Variants in LY9 observed in about 807,000 individuals in gnomAD.
LY9 encodes the protein lymphocyte antigen 9.
A neutral mutation model predicts 64.6 loss-of-function variants in LY9; 59 were observed. The ratio of observed to expected loss-of-function variants is 0.91; its 90% CI spans 0.74 to 1.13. LY9 has a LOEUF of 1.13. LY9 is among the 50% of genes most tolerant of loss of function. The pLI is 0.00. For synonymous variants in LY9, 281 were observed against 308.5 expected (o/e 0.91, Z 0.93); for missense variants, 789 against 797.2 (o/e 0.99, Z 0.12).
At position 160,813,836 on chromosome 1, in the gene LY9, C is replaced by T. The variant is rs960609454; in HGVS notation, c.655C>T (p.Pro219Ser). 1.9e-6 allele frequency: 3 copies of T among 1,614,094 alleles called. No homozygotes were observed. Among genetic ancestry groups the T allele is most frequent in the Non-Finnish European group, 1.7e-6 (2 of 1,180,030 alleles). ...VSRTPCDPDL[P>S]YICTAQNPVS... ...CCGAACACCATGTGACCCAGACCTGCCATACATCTGCACAGCCCAGAACCC... is the reference window on the plus strand; with the variant it reads ...CCGAACACCATGTGACCCAGACCTGTCATACATCTGCACAGCCCAGAACCC... The change falls in exon 3 of 10, where the codon CCA becomes TCA. Residue 219 changes from proline to serine, a missense_variant. By Grantham distance (74) the Pro-to-Ser change is moderately conservative. Coordinates refer to ENST00000263285, the MANE Select transcript of LY9 (RefSeq NM_002348.4).
chr1:160,817,994 G>A (rs1013365755), intron 5 of LY9, among the ~76,000 whole-genome samples: 1 of 152,174 alleles, frequency 6.6e-6, no homozygotes, highest in Non-Finnish European at 1.5e-5. Flanking sequence ...TGGGCAAGCC[G>A]TAAACCTCTC....
Position 160,813,806 on chromosome 1 carries a change from G to T in LY9, c.625G>T (p.Val209Phe). 1 of 1,614,100 alleles carries T rather than the reference G, an allele frequency of 6.2e-7. No homozygotes were observed. ...SESNGGSILT[V>F]SRTPCDPDLP... is the part of the protein sequence containing the mutation. ...GTCCAATGGAGGCTCCATTCTTACC[G>T]TCTCCCGAACACCATGTGACCCAGA... Residue 209 changes from valine to phenylalanine, a missense_variant, in exon 3 of 10, where the codon GTC (valine) becomes TTC (phenylalanine). Val to Phe is a conservative substitution (Grantham distance 50). Coordinates refer to ENST00000263285, the MANE Select transcript of LY9 (RefSeq NM_002348.4).
chr1:160,801,741 A>G (rs1462926356), intron 2 of LY9: 3 of 1,412,320 alleles, frequency 2.1e-6, no homozygotes, highest in Non-Finnish European at 1.0e-6. Flanking sequence ...ATGATGAGAA[A>G]TAGGGGTTCA....
intron 2 of LY9, among the ~76,000 whole-genome samples, chr1:160,806,298 A>G (rs1470707187): frequency 6.6e-6 from 1 of 152,182 alleles, no homozygotes; most frequent in East Asian, 1.9e-4. Flanking sequence ...CTGTAGTGAC[A>G]TCATTCAAGT....
intron 1 of LY9, chr1:160,797,384 A>ACT: frequency 1.7e-6 from 1 of 599,236 alleles, no homozygotes; most frequent in Non-Finnish European, 2.1e-6. Flanking sequence ...TAGACCTCAG[A>ACT]GCTGAGGTCC....
At position 160,827,247 on chromosome 1, in the gene LY9, C is replaced by T. The variant is rs370605909; in HGVS notation, c.1900-501C>T. ...AAGCTGTTGCTGGTACCCAACCTCC[C>T]GCTCCTCTGGGTCAGCACAGAGCTT... On this transcript the variant is annotated intron_variant, in intron 9 of 9. Transcript: ENST00000263285. Among the ~76,000 whole-genome samples the T allele has an allele frequency of 2.6e-5, 4 of 152,326 alleles. No homozygotes were observed. The South Asian group carries it at 6.2e-4, about 24-fold the overall frequency.
At chr1:160,825,189 C>A (rs1262960100) in intron 9 of LY9, among the ~76,000 whole-genome samples, 1 of 147,684 alleles carries the variant, frequency 6.8e-6, no homozygotes, top group Non-Finnish European at 1.5e-5. Context: ...GCCTGGGTGA[C>A]AGAGTGAGAC....
intron 2 of LY9, chr1:160,810,585 G>C (rs890457229): frequency 1.3e-5 from 2 of 152,158 alleles, no homozygotes; most frequent in Admixed American, 1.3e-4. Flanking sequence ...AGGTACTCGG[G>C]ATTAGAACTT....
At chr1:160,813,991 G>A in intron 3 of LY9, 80 bp downstream of exon 3, 2 of 1,448,258 alleles carry the variant, frequency 1.4e-6, no homozygotes, top group Non-Finnish European at 9.4e-7. Flanking sequence ...TAGGATCCTG[G>A]TCAGACACAC....
rs1283632312 is a variant in LY9 at position 160,814,416 on chromosome 1, C to A, written c.731-4C>A. ...AAGCTGCAATGTCTCATCTGTGACC[C>A]CAGATCCAGGAGCCTCCAGAGGAGG... is the stretch of plus-strand genomic sequence containing the variant. On this transcript the variant is annotated splice_region_variant and splice_polypyrimidine_tract_variant and intron_variant, in intron 3 of 9. Coordinates refer to ENST00000263285, the MANE Select transcript of LY9 (RefSeq NM_002348.4). 1 of 1,599,052 alleles carries A rather than the reference C, an allele frequency of 6.3e-7. No homozygotes were observed. The highest frequency in any genetic ancestry group is 8.5e-7 in the Non-Finnish European group (1 of 1,171,346).
At chr1:160,809,337 T>TTAG (rs1329910078) in intron 2 of LY9, among the ~76,000 whole-genome samples, 1 of 71,744 alleles carries the variant, frequency 1.4e-5, no homozygotes, top group African/African-American at 3.3e-5. Flanking sequence ...CCTGAATTTA[T>TTAG]TATTATTATT....
intron 1 of LY9, chr1:160,799,152 T>C (rs1666194961): frequency 6.5e-6 from 1 of 152,836 alleles, no homozygotes; most frequent in Non-Finnish European, 1.5e-5. Flanking sequence ...GAGGTAGAGG[T>C]AGGAGAAGCT....
chr1:160,815,953 C>T (rs558114148), intron 4 of LY9, among the ~76,000 whole-genome samples: 1 of 152,288 alleles, frequency 6.6e-6, no homozygotes, highest in South Asian at 2.1e-4. Flanking sequence ...GTCAGCATAC[C>T]CCCTGCCTGA....
intron 7 of LY9, among the ~76,000 whole-genome samples, chr1:160,822,945 G>A (rs1371719635): frequency 6.6e-6 from 1 of 152,152 alleles, no homozygotes; most frequent in African/African-American, 2.4e-5. Flanking sequence ...TCCACTCATC[G>A]AAATATTGAA....
intron 2 of LY9, chr1:160,812,060 CT>C (rs1667518404): frequency 1.3e-5 from 2 of 152,204 alleles, no homozygotes; most frequent in African/African-American, 4.8e-5. Flanking sequence ...TGCAGACTGA[CT>C]AGCTTAAACA....
intron 9 of LY9, among the ~76,000 whole-genome samples, chr1:160,825,404 T>C (rs1196675467): frequency 6.6e-6 from 1 of 152,166 alleles, no homozygotes; most frequent in Non-Finnish European, 1.5e-5. Context: ...AGGAAGTTAA[T>C]TTTGCCTAAG....
At chr1:160,818,508 G>A (rs923909018) in intron 6 of LY9, among the ~76,000 whole-genome samples, 189 bp downstream of exon 6, 1 of 152,044 alleles carries the variant, frequency 6.6e-6, no homozygotes, top group African/African-American at 2.4e-5. Context: ...AGTTCAAACT[G>A]GCTTAGACAG....
At chr1:160,814,973 G>A (rs1406613234) in intron 4 of LY9, 28 of 579,490 alleles carry the variant, frequency 4.8e-5, no homozygotes, top group Admixed American at 1.5e-4. Flanking sequence ...AGTGCCCCTG[G>A]CTCTAGGCTG....
rs761561412 is a variant in LY9, at chr1:160,818,308, GA to G, written c.1437del (p.Gly480AspfsTer262). ...ATCTTCAGCTGGTGCATTTGGAAGCGAAAAGGACGGTGTGAGTTTCCGAGAT... is the reference window on the plus strand; with the variant it reads ...ATCTTCAGCTGGTGCATTTGGAAGCGAAAGGACGGTGTGAGTTTCCGAGAT... ...VGIFSWCIWK[R>X]KGRCSVPAFC... is the part of the protein sequence containing the mutation. On this transcript the variant is annotated frameshift_variant, in exon 6 of 10. Transcript: ENST00000263285. LOFTEE classifies it high-confidence loss of function. 115 of 1,613,460 alleles carry G rather than the reference GA, an allele frequency of 7.1e-5. No homozygotes were observed. In the South Asian group the frequency reaches 1.1e-3, roughly 16 times the overall value.
Sources: gnomAD v4.1 joint callset for allele counts (sites outside exome capture counted in the v4.1 genomes callset) on GRCh38, gnomAD v4.1.1 for gene constraint, MANE v1.5 for transcripts, NCBI Gene and HGNC (gene_info 2026-07-23, HGNC 2026-07-21) for gene names.